Variants in MAPK8 observed in about 807,000 individuals in gnomAD.
MAPK8 encodes JUN N-terminal kinase.
A neutral mutation model predicts 52.9 loss-of-function variants in MAPK8; 13 were observed. That is an observed-to-expected ratio of 0.25 (90% confidence interval 0.16 to 0.39). The LOEUF (loss-of-function observed/expected upper bound fraction) is 0.39, where lower values mean the gene tolerates loss of function less well. Among genes scored for constraint, MAPK8 ranks in the 10% least tolerant of loss-of-function variants. The probability of loss-of-function intolerance (pLI) is 1.00; values close to 1 mark genes in which losing one functional copy is unlikely to be tolerated. For missense variants in MAPK8, 300 were observed against 519.2 expected (o/e 0.58, Z 4.10); for synonymous variants, 191 against 169.8 (o/e 1.12, Z -0.97).
chr10:48,326,279 A>G (rs1843511120), intron 1 of MAPK8, among the ~76,000 whole-genome samples: 1 of 152,202 alleles, frequency 6.6e-6, no homozygotes, highest in African/African-American at 2.4e-5. Context: ...ACTTTGGGTT[A>G]TAGTCCAATA....
chr10:48,425,826 T>TGGATACAA lies in MAPK8; in HGVS notation c.689-61_689-60insGATACAAG. On this transcript the variant is annotated intron_variant, in intron 7 of 11. Transcript: ENST00000374189. ...TTTAAATTTCTATTTTCTTGTAATATGAATATGACTAATGTATTGAACATT... is the reference window on the plus strand; with the variant it reads ...TTTAAATTTCTATTTTCTTGTAATATGGATACAAGAATATGACTAATGTATTGAACATT... 18 of 909,616 alleles carry TGGATACAA rather than the reference T, an allele frequency of 2.0e-5. No homozygotes were observed. The South Asian group carries it at 3.8e-4, about 19-fold the overall frequency. 56.3% of individuals were successfully genotyped at this position (909,616 alleles called of 1,614,324 possible). A position where few individuals can be genotyped will look rare whatever the true frequency, so the allele number is the denominator to read the frequency against.
At chr10:48,363,990 A>G (rs574357204) in intron 1 of MAPK8, among the ~76,000 whole-genome samples, 69 of 152,352 alleles carry the variant, frequency 4.5e-4, no homozygotes, top group Non-Finnish European at 8.5e-4. Flanking sequence ...TCAATTGCCA[A>G]TAATCTATTT....
At chr10:48,402,509 C>T (rs1241231656) in intron 2 of MAPK8, among the ~76,000 whole-genome samples, 10 of 152,180 alleles carry the variant, frequency 6.6e-5, no homozygotes, top group Admixed American at 4.6e-4. Flanking sequence ...AAGCCTCAGG[C>T]TATATCAGCA....
chr10:48,371,956 C>G (rs1848568419), intron 1 of MAPK8, among the ~76,000 whole-genome samples: 1 of 152,054 alleles, frequency 6.6e-6, no homozygotes, highest in African/African-American at 2.4e-5. Flanking sequence ...ATGCATAACA[C>G]AAGGCGTGGA....
At chr10:48,431,140 T>G in intron 10 of MAPK8, 53 bp from the exon 11 acceptor site, 549 of 1,122,264 alleles carry the variant, frequency 4.9e-4, no homozygotes, top group Non-Finnish European at 6.7e-4. Flanking sequence ...ACATGCGTTG[T>G]GAGATTGGCT....
intron 7 of MAPK8, chr10:48,425,255 T>C (rs1279272731): frequency 1.4e-6 from 1 of 731,804 alleles, no homozygotes; most frequent in Non-Finnish European, 2.5e-6. Flanking sequence ...GGTCCTGGAG[T>C]GTAAAGACTA....
At chr10:48,432,206 C>T (rs1464285463) in intron 11 of MAPK8, among the ~76,000 whole-genome samples, 1 of 152,068 alleles carries the variant, frequency 6.6e-6, no homozygotes, top group Admixed American at 6.5e-5. Flanking sequence ...TAAAACTATG[C>T]CATTTTAATT....
chr10:48,329,332 A>G (rs1588958748), intron 1 of MAPK8, among the ~76,000 whole-genome samples: 1 of 152,236 alleles, frequency 6.6e-6, no homozygotes, highest in African/African-American at 2.4e-5. Flanking sequence ...TCTTATTACC[A>G]TAAGCCTTAG....
chr10:48,389,730 A>G (rs1392945170), intron 1 of MAPK8, among the ~76,000 whole-genome samples: 1 of 152,218 alleles, frequency 6.6e-6, no homozygotes, highest in East Asian at 1.9e-4. Context: ...ATTCATGAAC[A>G]GAACAAAATT....
chr10:48,348,871 CT>C (rs1846031742), intron 1 of MAPK8, among the ~76,000 whole-genome samples: 1 of 150,952 alleles, frequency 6.6e-6, no homozygotes, highest in Non-Finnish European at 1.5e-5. Context: ...GCTATACGGG[CT>C]CTTTTTTGGG....
chr10:48,358,986 A>G (rs1433035716), intron 1 of MAPK8, among the ~76,000 whole-genome samples: 3 of 152,116 alleles, frequency 2.0e-5, no homozygotes, highest in African/African-American at 7.2e-5. Context: ...TGCCAGTACC[A>G]TACTGTTTTT....
At chr10:48,321,101 T>TG (rs1564476784) in intron 1 of MAPK8, among the ~76,000 whole-genome samples, 1 of 149,612 alleles carries the variant, frequency 6.7e-6, no homozygotes, top group African/African-American at 2.5e-5. Flanking sequence ...TTTTTTTTTT[T>TG]TTTTTTTTTT....
At chr10:48,336,286 A>G (rs1033219710) in intron 1 of MAPK8, among the ~76,000 whole-genome samples, 2 of 152,234 alleles carry the variant, frequency 1.3e-5, no homozygotes, top group Non-Finnish European at 2.9e-5. Flanking sequence ...GAAACAATGT[A>G]GATGAAATGG....
intron 1 of MAPK8, among the ~76,000 whole-genome samples, chr10:48,375,918 C>T (rs1398530537): frequency 6.6e-6 from 1 of 152,092 alleles, no homozygotes; most frequent in Admixed American, 6.5e-5. Flanking sequence ...CAAAATAGAG[C>T]CCACATAGCC....
At chr10:48,411,143 T>C (rs1260504666) in intron 5 of MAPK8, among the ~76,000 whole-genome samples, 2 of 152,236 alleles carry the variant, frequency 1.3e-5, no homozygotes, top group East Asian at 3.8e-4. Context: ...ATACAATTGT[T>C]TATTTCATCA....
chr10:48,351,645 A>G (rs1258513119), intron 1 of MAPK8, among the ~76,000 whole-genome samples: 1 of 152,196 alleles, frequency 6.6e-6, no homozygotes, highest in Admixed American at 6.5e-5. Context: ...TGGAAACTTT[A>G]TAACTGAAAA....
chr10:48,308,639 A>G (rs1351120923), intron 1 of MAPK8, among the ~76,000 whole-genome samples: 1 of 152,196 alleles, frequency 6.6e-6, no homozygotes, highest in Non-Finnish European at 1.5e-5. Context: ...ATAAACTGGT[A>G]TTTCAGTAGG....
rs2078457967 is a variant in MAPK8 at position 48,437,955 on chromosome 10, T to C, written c.*2926T>C. Reference sequence around the variant, plus strand: ...ACATCAGTGTCTGATAGTGAAATCATCAGCAGGAAAGTGAAGCTCTTTCCT... The same window carrying C: ...ACATCAGTGTCTGATAGTGAAATCACCAGCAGGAAAGTGAAGCTCTTTCCT... On this transcript the variant is annotated 3_prime_UTR_variant, in exon 12 of 12. Transcript: ENST00000374189. 6.6e-6 allele frequency: 1 copy of C among 152,258 alleles called. No individual in the cohort carries two copies. Among genetic ancestry groups the C allele is most frequent in the African/African-American group, 2.4e-5 (1 of 41,466 alleles). 9.4% of individuals were successfully genotyped at this position (152,258 alleles called of 1,614,324 possible).
intron 1 of MAPK8, among the ~76,000 whole-genome samples, chr10:48,393,890 A>G (rs1190552684): frequency 6.6e-6 from 1 of 152,036 alleles, no homozygotes; most frequent in East Asian, 1.9e-4. Flanking sequence ...AGAAATTAAA[A>G]TCTTGTTTTT....
Sources: allele counts gnomAD v4.1 joint callset (sites outside exome capture counted in the v4.1 genomes callset), GRCh38; gene constraint gnomAD v4.1.1; transcripts MANE v1.5; gene names NCBI Gene and HGNC (gene_info 2026-07-23, HGNC 2026-07-21).